The following LTBR variants were observed in gnomAD, a reference collection of about 807,000 sequenced individuals.
The protein encoded by LTBR is lymphotoxin beta receptor.
Under a neutral mutation model 45.4 loss-of-function variants are expected in LTBR, and 15 were observed. That is an observed-to-expected ratio of 0.33 (90% CI 0.22 to 0.51). The LOEUF (loss-of-function observed/expected upper bound fraction) is 0.51. LTBR is among the 20% of genes least tolerant of loss of function. The pLI is 0.97. For synonymous variants in LTBR, 228 were observed against 231.0 expected, an observed-to-expected ratio of 0.99 and a Z score of 0.12; for missense variants, 450 against 565.5, an observed-to-expected ratio of 0.80 and a Z score of 2.07.
In LTBR at chr12:6,388,772, C is replaced by T. The variant is rs778408750; in HGVS notation, c.776-28C>T. ...GCTAGGTCTGAGGCCTGCCGGGGAG[C>T]CTACACCCATTTCATTCTCCATTGC... On this transcript the variant is annotated intron_variant, in intron 7 of 9. Transcript: ENST00000228918. The surrounding 1 kb of genome is among the most constrained non-coding windows in gnomAD (Gnocchi z 4.3). 8 of 1,613,758 alleles carry T rather than the reference C, an allele frequency of 5.0e-6. No individual in the cohort carries two copies. The highest frequency in any genetic ancestry group is 1.7e-5 in the Admixed American group (1 of 59,998).
At position 6,388,777 on chromosome 12, in the gene LTBR, A is replaced by G; in HGVS notation, c.776-23A>G. ...GTCTGAGGCCTGCCGGGGAGCCTAC[A>G]CCCATTTCATTCTCCATTGCAGGAT... On this transcript the variant is annotated intron_variant, in intron 7 of 9. Coordinates refer to ENST00000228918, the MANE Select transcript of LTBR (RefSeq NM_002342.3). The surrounding 1 kb of genome is among the most constrained non-coding windows in gnomAD (Gnocchi z 4.3). 1 of 1,613,904 alleles carries G rather than the reference A, an allele frequency of 6.2e-7. No homozygotes were observed. Among genetic ancestry groups the G allele is most frequent in the Non-Finnish European group, 8.5e-7 (1 of 1,179,950 alleles).
At chr12:6,380,638 T>C (rs981078785), upstream of LTBR, among the ~76,000 whole-genome samples, 3 of 149,704 alleles carry the variant, frequency 2.0e-5, no homozygotes, top group Non-Finnish European at 3.0e-5. Context: ...TGCAGTGAGC[T>C]GAGATTGCAC....
intron 1 of LTBR, chr12:6,377,341 A>C: frequency 7.4e-7 from 1 of 1,351,730 alleles, no homozygotes; most frequent in Non-Finnish European, 1.0e-6. Flanking sequence ...TCCCAAGGAT[A>C]AATCAGTTTT....
chr12:6,385,178 G>T (rs370495075), intron 3 of LTBR, 31 bp downstream of exon 3: 1 of 1,614,180 alleles, frequency 6.2e-7, no homozygotes, highest in Non-Finnish European at 8.5e-7. Context: ...GGGGGGGCTG[G>T]ATCCCCTGGA....
rs1949103753 is a variant in LTBR, at chr12:6,390,738, G to A, written c.1109G>A (p.Gly370Glu). The A allele has an allele frequency of 6.4e-7, 1 of 1,556,634 alleles. No homozygotes were observed. The highest frequency in any genetic ancestry group is 8.7e-7 in the Non-Finnish European group (1 of 1,153,392). The change falls in exon 10 of 10, where the codon GGG becomes GAG. Residue 370 changes from glycine (G) to glutamate (E), a missense_variant. Coordinates refer to ENST00000228918, the MANE Select transcript of LTBR (RefSeq NM_002342.3). ...TACATCTACAATGGACCAGTACTGG[G>A]GGGACCACCGGGTCCTGGAGACCTC... ...NIYIYNGPVLGGPPGPGDLPA... is the reference protein window; with the variant it reads ...NIYIYNGPVLEGPPGPGDLPA...
In LTBR at chr12:6,388,822, G is replaced by A. The variant is rs536333390; in HGVS notation, c.798G>A (p.Pro266=). 14 of 1,614,066 alleles carry A rather than the reference G, an allele frequency of 8.7e-6. No individual in the cohort carries two copies. Among genetic ancestry groups the A allele is most frequent in the Admixed American group, 5.0e-5 (3 of 60,014 alleles). Residue 266 remains proline, a synonymous_variant, in exon 8 of 10, where the codon CCG becomes CCA. Transcript: ENST00000228918. This position sits in a 1 kb window ranked among gnomAD's most constrained non-coding sequence, Gnocchi z 4.3. ...CAGGATCGCTGCTCAAGAGGCGTCC[G>A]CAGGTAATGGCGGGGGCTGAGAAGG... is the stretch of plus-strand genomic sequence containing the variant. ...RKLGSLLKRR[P]QGEGPNPVAG... is the part of the protein sequence containing the mutation.
Position 6,385,049 on chromosome 12 carries a change from G to T in LTBR, c.221G>T (p.Arg74Leu), listed in dbSNP as rs748505384. Residue 74 changes from arginine (R) to leucine (L), a missense_variant, in exon 3 of 10, where the codon CGC becomes CTC. By Grantham distance (102) the Arg-to-Leu change is moderately radical. Around this residue, in one of 3 missense-constraint regions of LTBR, gnomAD observed 367 missense variants for 435.4 expected, o/e 0.84. Transcript: ENST00000228918. ...PGTYVSAKCS[R>L]IRDTVCATCA... is the part of the protein sequence containing the mutation. ...ACCTATGTCTCAGCTAAATGTAGCC[G>T]CATCCGGGACACAGTTTGTGCCACA... 3.1e-6 allele frequency: 5 copies of T among 1,614,182 alleles called. No individual in the cohort carries two copies. The highest frequency in any genetic ancestry group is 4.2e-6 in the Non-Finnish European group (5 of 1,180,038).
At chr12:6,377,658 G>T in intron 1 of LTBR, 2 of 1,305,184 alleles carry the variant, frequency 1.5e-6, no homozygotes, top group Non-Finnish European at 2.0e-6. Flanking sequence ...CCTTGAGCCA[G>T]GTCCTTACAT....
At position 6,388,681 on chromosome 12, in the gene LTBR, C is replaced by CT; in HGVS notation, c.776-117dup. ...AGGCTGGAGATGAGAGTGACAGTGGCTTGTTCCTCTGGGCCCCCGGGTGGT... is the reference window on the plus strand; with the variant it reads ...AGGCTGGAGATGAGAGTGACAGTGGCTTTGTTCCTCTGGGCCCCCGGGTGGT... On this transcript the variant is annotated intron_variant, in intron 7 of 9. Coordinates refer to ENST00000228918, the MANE Select transcript of LTBR (RefSeq NM_002342.3). The surrounding 1 kb of genome is among the most constrained non-coding windows in gnomAD (Gnocchi z 4.3). 1 of 1,283,122 alleles carries CT rather than the reference C, an allele frequency of 7.8e-7. No homozygotes were observed. The highest frequency in any genetic ancestry group is 1.1e-6 in the Non-Finnish European group (1 of 887,906). 79.5% of individuals were successfully genotyped at this position (1,283,122 alleles called of 1,614,324 possible).
At position 6,388,983 on chromosome 12, in the gene LTBR, C is replaced by T. The variant is rs1412757952; in HGVS notation, c.801+158C>T. 6 of 854,752 alleles carry T rather than the reference C, an allele frequency of 7.0e-6. No individual in the cohort carries two copies. The East Asian group carries it at 1.3e-4, about 19-fold the overall frequency. The allele number at this position is 854,752 out of a possible 1,614,324, so 52.9% of individuals were successfully genotyped here. On this transcript the variant is annotated intron_variant, in intron 8 of 9. Coordinates refer to ENST00000228918, the MANE Select transcript of LTBR (RefSeq NM_002342.3). The surrounding 1 kb of genome is among the most constrained non-coding windows in gnomAD (Gnocchi z 4.3). ...GCCACGTACCAGGCACTGTCCTAGG[C>T]ACTGGGCGTACAGCAGTGAGCAAAA...
At chr12:6,387,078 A>C (rs1214682236) in intron 6 of LTBR, 1 of 152,342 alleles carries the variant, frequency 6.6e-6, no homozygotes, top group Non-Finnish European at 1.5e-5. Context: ...TGATATACTC[A>C]AGATCACCCA....
upstream of LTBR, chr12:6,375,353 C>T: frequency 2.1e-6 from 3 of 1,450,850 alleles, no homozygotes; most frequent in Non-Finnish European, 9.0e-7. Context: ...TGGCCCTGAC[C>T]TCGAGCTGTG....
chr12:6,382,325 C>T (rs1229936606), upstream of LTBR, among the ~76,000 whole-genome samples: 1 of 151,882 alleles, frequency 6.6e-6, no homozygotes, highest in East Asian at 1.9e-4. Flanking sequence ...ATAAATGAAA[C>T]TGACAGTGAG....
upstream of LTBR, chr12:6,375,424 T>C: frequency 2.0e-6 from 3 of 1,530,566 alleles, no homozygotes; most frequent in South Asian, 3.6e-5. Context: ...TGCCTCCAGC[T>C]TCCCACTCCC....
At chr12:6,379,298 C>T (rs1948953894), upstream of LTBR, among the ~76,000 whole-genome samples, 2 of 152,060 alleles carry the variant, frequency 1.3e-5, no homozygotes, top group East Asian at 1.9e-4. Flanking sequence ...TTTGACAGAG[C>T]GGGATATGCT....
At chr12:6,389,910 T>C in intron 8 of LTBR, 1 of 582,480 alleles carries the variant, frequency 1.7e-6, no homozygotes, top group East Asian at 2.8e-5. Context: ...TGAGCTATGA[T>C]TGCACCACTG....
At chr12:6,385,945 A>T in intron 4 of LTBR, 121 bp from the exon 5 acceptor site, 1 of 665,532 alleles carries the variant, frequency 1.5e-6, no homozygotes, top group Middle Eastern at 2.7e-4. Flanking sequence ...GAGCTTGGGA[A>T]AGGTGAGAGC....
At chr12:6,375,421 A>G, upstream of LTBR, 3 of 1,528,886 alleles carry the variant, frequency 2.0e-6, no homozygotes, top group Admixed American at 2.0e-5. Context: ...GGCTGCCTCC[A>G]GCTTCCCACT....
At chr12:6,375,311 C>A, upstream of LTBR, 2 of 1,438,138 alleles carry the variant, frequency 1.4e-6, no homozygotes, top group East Asian at 5.0e-5. Flanking sequence ...TTGCCTTGCC[C>A]CCTCTCACTC....
Sources: allele counts gnomAD v4.1 joint callset (sites outside exome capture counted in the v4.1 genomes callset), GRCh38; gene constraint gnomAD v4.1.1; regional missense constraint gnomAD v4.1.1; non-coding constraint Gnocchi (gnomAD v3.1); transcripts MANE v1.5; gene names NCBI Gene and HGNC (gene_info 2026-07-23, HGNC 2026-07-21).